The following BBOX1 variants were observed in gnomAD, a reference collection of about 807,000 sequenced individuals.
BBOX1 encodes gamma-butyrobetaine dioxygenase.
Under a neutral mutation model 41.6 loss-of-function variants are expected in BBOX1, and 35 were observed. The ratio of observed to expected loss-of-function variants is 0.84; its 90% CI spans 0.64 to 1.11. The LOEUF is 1.11. BBOX1 is among the 50% of genes most tolerant of loss of function. The probability of loss-of-function intolerance (pLI) is 0.00; values close to 1 mark genes in which losing one functional copy is unlikely to be tolerated. For missense variants in BBOX1, 458 were observed against 460.6 expected, an observed-to-expected ratio of 0.99 and a Z score of 0.05; for synonymous variants, 163 against 154.7, an observed-to-expected ratio of 1.05 and a Z score of -0.40.
intron 4 of BBOX1, among the ~76,000 whole-genome samples, chr11:27,088,108 T>G (rs1858107382): frequency 6.6e-6 from 1 of 151,874 alleles, no homozygotes; most frequent in Admixed American, 6.6e-5. Flanking sequence ...TATTTTATAA[T>G]GGAAAAAAAA....
At chr11:27,061,709 T>G (rs1240253780) in intron 4 of BBOX1, among the ~76,000 whole-genome samples, 1 of 152,142 alleles carries the variant, frequency 6.6e-6, no homozygotes, top group African/African-American at 2.4e-5. Context: ...TCCTTGATCT[T>G]CCCCCTGGCA....
intron 5 of BBOX1, among the ~76,000 whole-genome samples, chr11:27,097,126 T>C (rs1214709176): frequency 6.6e-6 from 1 of 152,032 alleles, no homozygotes; most frequent in Non-Finnish European, 1.5e-5. Flanking sequence ...TGGAGCAGTA[T>C]GTAAAAAGAC....
intron 5 of BBOX1, among the ~76,000 whole-genome samples, chr11:27,097,268 T>G (rs1015622988): frequency 2.0e-5 from 3 of 152,012 alleles, no homozygotes; most frequent in Non-Finnish European, 4.4e-5. Context: ...GGAGCCCTTT[T>G]AGGAAAGGTG....
chr11:27,096,058 G>A (rs1019972914), intron 5 of BBOX1, among the ~76,000 whole-genome samples: 3 of 151,916 alleles, frequency 2.0e-5, no homozygotes, highest in African/African-American at 4.8e-5. Context: ...AACTCTGCAG[G>A]TGATTCTCAT....
intron 2 of BBOX1, among the ~76,000 whole-genome samples, chr11:27,042,596 G>A (rs1038712511): frequency 6.6e-6 from 1 of 152,040 alleles, no homozygotes. Flanking sequence ...CAATCCTTCT[G>A]CTCCGGCCTC....
chr11:27,066,969 G>A (rs896868428), intron 4 of BBOX1, among the ~76,000 whole-genome samples: 2 of 151,976 alleles, frequency 1.3e-5, no homozygotes, highest in Non-Finnish European at 2.9e-5. Flanking sequence ...TTTGGCCCTA[G>A]GCCTTGCTAA....
intron 4 of BBOX1, among the ~76,000 whole-genome samples, chr11:27,058,827 A>T (rs1466497320): frequency 6.6e-6 from 1 of 152,224 alleles, no homozygotes; most frequent in African/African-American, 2.4e-5. Flanking sequence ...ATACAAGAGC[A>T]AACAAATAAG....
At position 27,115,460 on chromosome 11, in the gene BBOX1, G is replaced by A; in HGVS notation, c.542G>A (p.Trp181Ter). The change falls in exon 6 of 9, where the codon TGG (tryptophan) becomes TAG (stop). Residue 181 changes from tryptophan to a stop codon, truncating the protein, a stop_gained. Transcript: ENST00000263182. LOFTEE classifies it high-confidence loss of function. The part of the protein sequence containing the change: ...FLYLTFYGHT[W>*]QVQDKIDANN... Reference sequence around the variant, plus strand: ...TTTCTTGCATTTTACAGACATACTTGGCAAGTGCAAGACAAAATCGATGCA... The same window carrying A: ...TTTCTTGCATTTTACAGACATACTTAGCAAGTGCAAGACAAAATCGATGCA... 1 of 1,608,670 alleles carries A rather than the reference G, an allele frequency of 6.2e-7. No individual in the cohort carries two copies. The highest frequency in any genetic ancestry group is 8.5e-7 in the Non-Finnish European group (1 of 1,177,086).
chr11:27,065,781 C>T (rs376767663), intron 4 of BBOX1, among the ~76,000 whole-genome samples: 79 of 152,088 alleles, frequency 5.2e-4, no homozygotes, highest in Non-Finnish European at 1.0e-3. Context: ...TATACTACTA[C>T]ATCTATTACT....
In BBOX1 at chr11:27,093,240, A is replaced by G; in HGVS notation, c.407A>G (p.His136Arg). ...DFEDVLRYDE[H>R]AYKWLSTLKK... ...GAAGATGTTTTAAGATATGATGAACACGCATACAAGTGGCTCTCCACCCTC... is the reference window on the plus strand; with the variant it reads ...GAAGATGTTTTAAGATATGATGAACGCGCATACAAGTGGCTCTCCACCCTC... The change falls in exon 5 of 9, where the codon CAC becomes CGC. Residue 136 changes from histidine (H) to arginine (R), a missense_variant. Coordinates refer to ENST00000263182, the MANE Select transcript of BBOX1 (RefSeq NM_003986.3). 6.2e-7 allele frequency: 1 copy of G among 1,612,542 alleles called. No individual in the cohort carries two copies. The highest frequency in any genetic ancestry group is 8.5e-7 in the Non-Finnish European group (1 of 1,179,030).
intron 4 of BBOX1, among the ~76,000 whole-genome samples, chr11:27,091,968 A>G (rs1395775316): frequency 1.3e-5 from 2 of 151,950 alleles, no homozygotes; most frequent in Admixed American, 6.6e-5. Flanking sequence ...GCTTTCATAC[A>G]TACACACACC....
intron 3 of BBOX1, among the ~76,000 whole-genome samples, chr11:27,056,918 T>C (rs1374686893): frequency 6.6e-6 from 1 of 151,178 alleles, no homozygotes; most frequent in Non-Finnish European, 1.5e-5. Flanking sequence ...TACAAAAAAT[T>C]AGCCAGGCGT....
intron 5 of BBOX1, among the ~76,000 whole-genome samples, chr11:27,106,303 G>T (rs1218864491): frequency 1.4e-4 from 2 of 14,798 alleles, no homozygotes; most frequent in African/African-American, 1.5e-3. Context: ...TGGCAAATTG[G>T]ATAGAGTCAA....
intron 5 of BBOX1, among the ~76,000 whole-genome samples, chr11:27,094,731 C>T (rs1858374728): frequency 1.3e-5 from 2 of 151,928 alleles, no homozygotes; most frequent in African/African-American, 4.8e-5. Flanking sequence ...TATTCAATCA[C>T]TGAAAGACTC....
At chr11:27,126,468 A>G (rs1471538360) in intron 8 of BBOX1, among the ~76,000 whole-genome samples, 1 of 152,166 alleles carries the variant, frequency 6.6e-6, no homozygotes, top group Non-Finnish European at 1.5e-5. Context: ...ATTTAATGGC[A>G]GTGTAGTTTT....
chr11:27,106,388 G>A (rs1280999603), intron 5 of BBOX1, among the ~76,000 whole-genome samples: 3 of 151,958 alleles, frequency 2.0e-5, no homozygotes, highest in Admixed American at 1.3e-4. Flanking sequence ...TAAAGGGATG[G>A]AGGAAGATCT....
chr11:27,119,702 T>C lies in BBOX1; in HGVS notation c.693T>C (p.Ile231=). 1 of 1,575,836 alleles carries C rather than the reference T, an allele frequency of 6.3e-7. No homozygotes were observed. The highest frequency in any genetic ancestry group is 1.2e-5 in the South Asian group (1 of 84,128). The change falls in exon 7 of 9, where the codon ATT becomes ATC. Residue 231 remains isoleucine, a synonymous_variant. Coordinates refer to ENST00000263182, the MANE Select transcript of BBOX1 (RefSeq NM_003986.3). The stretch of plus-strand genomic sequence containing the variant: ...CAGTCACAGGGGGTGATTCAGAAAT[T>C]GTAGATGGGTTTAATGTGTGCCAAA... ...KQTVTGGDSE[I]VDGFNVCQKL... is the part of the protein sequence containing the mutation.
chr11:27,086,038 T>A (rs1422463369), intron 4 of BBOX1, among the ~76,000 whole-genome samples: 1 of 151,828 alleles, frequency 6.6e-6, no homozygotes, highest in Non-Finnish European at 1.5e-5. Context: ...AGAAGAAAAG[T>A]CTGGCAGTAG....
At chr11:27,069,696 T>A (rs7926773) in intron 4 of BBOX1, among the ~76,000 whole-genome samples, 49,343 of 151,890 alleles carry the variant, frequency 0.32, 8,173 homozygotes, top group East Asian at 0.45. Context: ...TAACTTTTAA[T>A]TTTTGCTTTT....
Sources: allele counts gnomAD v4.1 joint callset (sites outside exome capture counted in the v4.1 genomes callset), GRCh38; gene constraint gnomAD v4.1.1; transcripts MANE v1.5; gene names NCBI Gene and HGNC (gene_info 2026-07-23, HGNC 2026-07-21).